FAM81B: variants seen among roughly 807,000 people sequenced by gnomAD.
FAM81B encodes the protein protein FAM81B.
Under a neutral mutation model 58.7 loss-of-function variants are expected in FAM81B, and 60 were observed. That is an observed-to-expected ratio of 1.02 (90% CI 0.83 to 1.27). The LOEUF (loss-of-function observed/expected upper bound fraction) is 1.27, where lower values mean the gene tolerates loss of function less well. Ranked by LOEUF, FAM81B falls within the 50% of genes most tolerant of loss-of-function variation. The pLI, the probability that FAM81B is intolerant of heterozygous loss-of-function variation, is 0.00. For synonymous variants in FAM81B, 189 were observed against 179.6 expected (o/e 1.05, Z -0.42); for missense variants, 491 against 522.0 (o/e 0.94, Z 0.58).
chr5:95,399,942 G>T (rs747650538), intron 3 of FAM81B, among the ~76,000 whole-genome samples: 23 of 152,170 alleles, frequency 1.5e-4, no homozygotes, highest in Non-Finnish European at 3.1e-4. Flanking sequence ...GGAGAAAGAG[G>T]AGAGGCTAAC....
chr5:95,444,013 T>C (rs1225824668), intron 7 of FAM81B, among the ~76,000 whole-genome samples: 3 of 152,194 alleles, frequency 2.0e-5, no homozygotes, highest in African/African-American at 7.2e-5. Context: ...TGTAAAGCTA[T>C]CTCTTGATTA....
intron 3 of FAM81B, among the ~76,000 whole-genome samples, chr5:95,401,323 G>A (rs1196110340): frequency 6.6e-6 from 1 of 152,002 alleles, no homozygotes; most frequent in Non-Finnish European, 1.5e-5. Flanking sequence ...GCTCTGTGCT[G>A]GCCCAGCCCT....
intron 2 of FAM81B, among the ~76,000 whole-genome samples, 190 bp from the exon 3 acceptor site, chr5:95,395,921 T>A (rs57733077): frequency 0.012 from 1,872 of 152,304 alleles, 46 homozygotes; most frequent in African/African-American, 0.043. Context: ...CTCTCTAGTA[T>A]CTCCACAGAA....
At chr5:95,433,255 G>A (rs1205364545) in intron 6 of FAM81B, among the ~76,000 whole-genome samples, 2 of 138,936 alleles carry the variant, frequency 1.4e-5, no homozygotes, top group African/African-American at 6.3e-5. Context: ...ATGGTGAAAG[G>A]TGAAGGGTAG....
At chr5:95,408,300 A>G (rs1762318603) in intron 3 of FAM81B, among the ~76,000 whole-genome samples, 1 of 152,212 alleles carries the variant, frequency 6.6e-6, no homozygotes, top group Admixed American at 6.5e-5. Flanking sequence ...TTGCCTGTAC[A>G]TGAAATAGCC....
intron 4 of FAM81B, 116 bp downstream of exon 4, chr5:95,414,306 A>G: frequency 8.7e-7 from 1 of 1,151,410 alleles, no homozygotes; most frequent in Non-Finnish European, 1.2e-6. Flanking sequence ...ACTATTGCTT[A>G]AGTTTAGATG....
chr5:95,403,444 T>C (rs1211849536), intron 3 of FAM81B, among the ~76,000 whole-genome samples: 1 of 152,224 alleles, frequency 6.6e-6, no homozygotes, highest in East Asian at 1.9e-4. Flanking sequence ...TGTATCTTTA[T>C]TTGAAATGAC....
chr5:95,428,493 CTTCAAATGACT>C (rs1429440059), intron 5 of FAM81B, 99 bp from the exon 6 acceptor site: 1 of 1,337,900 alleles, frequency 7.5e-7, no homozygotes, highest in Non-Finnish European at 1.0e-6. Context: ...CCAACTCATT[CTTCAAATGACT>C]TTAGAACTTT....
chr5:95,434,017 C>T (rs533956389), intron 6 of FAM81B, among the ~76,000 whole-genome samples: 1 of 152,284 alleles, frequency 6.6e-6, no homozygotes, highest in African/African-American at 2.4e-5. Context: ...CATCAATCCC[C>T]ATACCTTTTG....
chr5:95,391,559 ATCTT>A (rs1323385217), intron 1 of FAM81B, 46 bp downstream of exon 1: 1 of 1,558,732 alleles, frequency 6.4e-7, no homozygotes, highest in African/African-American at 1.4e-5. Flanking sequence ...CTACTTCACT[ATCTT>A]TCTTCTGTTT....
chr5:95,421,144 C>T lies in FAM81B; in HGVS notation c.656+742C>T, dbSNP rs78368154. 6.6e-3 allele frequency among the ~76,000 whole-genome samples: 1,012 copies of T among 152,250 alleles called. 6 individuals are homozygous for T. Among genetic ancestry groups the T allele is most frequent in the Admixed American group, 9.5e-3 (145 of 15,294 alleles). On this transcript the variant is annotated intron_variant, in intron 5 of 9. Transcript: ENST00000283357. ...ATTAAGCACTCATCTTATGCCAGGCCGTGTAATGTTAGAATTCAGCAACAT... is the reference window on the plus strand; with the variant it reads ...ATTAAGCACTCATCTTATGCCAGGCTGTGTAATGTTAGAATTCAGCAACAT...
intron 9 of FAM81B, 136 bp from the exon 10 acceptor site, chr5:95,450,013 A>T: frequency 2.2e-6 from 2 of 919,150 alleles, no homozygotes; most frequent in South Asian, 2.0e-5. Flanking sequence ...GTACAATTTT[A>T]GGCTGGTCTT....
At chr5:95,441,838 A>G (rs78263375) in intron 7 of FAM81B, among the ~76,000 whole-genome samples, 5,117 of 152,030 alleles carry the variant, frequency 0.034, 112 homozygotes, top group Non-Finnish European at 0.048. Context: ...TCTGCTAAGT[A>G]ATGTCCTAAG....
At chr5:95,428,881 C>T in intron 6 of FAM81B, 149 bp downstream of exon 6, 2 of 1,042,084 alleles carry the variant, frequency 1.9e-6, no homozygotes, top group East Asian at 2.5e-5. Context: ...TCATATACGC[C>T]ATGGAAACAG....
At chr5:95,416,101 C>G (rs2152763972) in intron 4 of FAM81B, among the ~76,000 whole-genome samples, 1 of 152,188 alleles carries the variant, frequency 6.6e-6, no homozygotes, top group Non-Finnish European at 1.5e-5. Context: ...GAAAATTGAA[C>G]TAGAAAATAT....
At chr5:95,432,387 T>C (rs73141954) in intron 6 of FAM81B, among the ~76,000 whole-genome samples, 40,491 of 151,966 alleles carry the variant, frequency 0.27, 7,983 homozygotes, top group African/African-American at 0.56. Context: ...TTGAACTGAC[T>C]TCATAAAAAA....
intron 3 of FAM81B, among the ~76,000 whole-genome samples, chr5:95,403,480 CAG>C (rs1253713858): frequency 1.3e-5 from 2 of 152,092 alleles, no homozygotes; most frequent in Non-Finnish European, 2.9e-5. Flanking sequence ...TGACTAGATA[CAG>C]ACACAATGCT....
At chr5:95,446,725 A>G (rs768517882) in intron 8 of FAM81B, 28 bp downstream of exon 8, 1 of 1,608,448 alleles carries the variant, frequency 6.2e-7, no homozygotes, top group East Asian at 2.2e-5. Flanking sequence ...TTTGTGAAGC[A>G]AGCACCTGCA....
rs147316258 is a variant in FAM81B, at chr5:95,436,791, T to C, written c.787-9T>C. ...TTCATATGCACAAACCCTCTCGTAC[T>C]TTGACTAGGTGATGCAGCTCTTAGG... On this transcript the variant is annotated splice_polypyrimidine_tract_variant and intron_variant, in intron 6 of 9. Transcript: ENST00000283357. The C allele has an allele frequency of 6.4e-4, 1,008 of 1,587,170 alleles. 7 individuals are homozygous for C. The African/African-American group carries it at 0.012, about 19-fold the overall frequency.
Sources: gnomAD v4.1 joint callset for allele counts (sites outside exome capture counted in the v4.1 genomes callset) on GRCh38, gnomAD v4.1.1 for gene constraint, MANE v1.5 for transcripts, NCBI Gene and HGNC (gene_info 2026-07-23, HGNC 2026-07-21) for gene names.